Variants in JAKMIP2 observed in about 807,000 individuals in gnomAD.
JAKMIP2 encodes janus kinase and microtubule interacting protein 2.
In JAKMIP2, 25 loss-of-function variants were observed where a neutral mutation model predicts 115.0. That is an observed-to-expected ratio of 0.22 (90% CI 0.16 to 0.30). The LOEUF is 0.30. JAKMIP2 is among the 10% of genes least tolerant of loss of function. The pLI, the probability that JAKMIP2 is intolerant of heterozygous loss-of-function variation, is 1.00. For missense variants in JAKMIP2, 642 were observed against 957.6 expected (o/e 0.67, Z 4.35); for synonymous variants, 334 against 343.6 (o/e 0.97, Z 0.31).
intron 1 of JAKMIP2, among the ~76,000 whole-genome samples, chr5:147,755,894 A>G (rs531812034): frequency 6.6e-6 from 1 of 152,302 alleles, no homozygotes; most frequent in East Asian, 1.9e-4. Context: ...ATACTAGGAT[A>G]TAAGTCAATT....
At chr5:147,679,165 G>C (rs1054054163) in intron 1 of JAKMIP2, among the ~76,000 whole-genome samples, 5 of 151,990 alleles carry the variant, frequency 3.3e-5, no homozygotes, top group Non-Finnish European at 5.9e-5. Flanking sequence ...ATTTTTAGTA[G>C]AGATGGGGTT....
chr5:147,704,769 C>A (rs1249621858), intron 1 of JAKMIP2, among the ~76,000 whole-genome samples: 1 of 152,162 alleles, frequency 6.6e-6, no homozygotes, highest in Non-Finnish European at 1.5e-5. Flanking sequence ...ATCATTTCTA[C>A]TTGATACTGT....
chr5:147,690,853 T>C (rs750054947), intron 1 of JAKMIP2, among the ~76,000 whole-genome samples: 3 of 152,026 alleles, frequency 2.0e-5, no homozygotes, highest in Non-Finnish European at 4.4e-5. Flanking sequence ...TGACAAATTA[T>C]ATACCTGGAT....
intron 2 of JAKMIP2, 106 bp downstream of exon 2, chr5:147,671,572 G>C (rs747422600): frequency 1.0e-6 from 1 of 982,840 alleles, no homozygotes; most frequent in Non-Finnish European, 1.4e-6. Flanking sequence ...CTCTGGCAAA[G>C]GGCAGGAGTC....
At chr5:147,741,209 T>C (rs928863131) in intron 1 of JAKMIP2, among the ~76,000 whole-genome samples, 2 of 152,184 alleles carry the variant, frequency 1.3e-5, no homozygotes, top group African/African-American at 4.8e-5. Context: ...TAAAATAATT[T>C]CAGTATTTCT....
chr5:147,644,458 A>G (rs1758028887), intron 6 of JAKMIP2, among the ~76,000 whole-genome samples: 1 of 152,238 alleles, frequency 6.6e-6, no homozygotes, highest in Non-Finnish European at 1.5e-5. Context: ...TTGTCCGCAT[A>G]TAACACAAGT....
chr5:147,757,972 G>A (rs1754805811), intron 1 of JAKMIP2, among the ~76,000 whole-genome samples: 1 of 152,052 alleles, frequency 6.6e-6, no homozygotes, highest in African/African-American at 2.4e-5. Context: ...TTCAAAATAT[G>A]AGCCATGACA....
At chr5:147,776,101 T>C (rs1001284802) in intron 1 of JAKMIP2, among the ~76,000 whole-genome samples, 2 of 152,164 alleles carry the variant, frequency 1.3e-5, no homozygotes, top group African/African-American at 4.8e-5. Context: ...GTCAGATGAC[T>C]GGGGTTTTAT....
Position 147,647,471 on chromosome 5 carries a change from A to T in JAKMIP2, c.936+905T>A, listed in dbSNP as rs949049483. Among the ~76,000 whole-genome samples the T allele has an allele frequency of 4.6e-5, 7 of 151,984 alleles. No homozygotes were observed. The East Asian group carries it at 7.7e-4, about 17-fold the overall frequency. ...ATGCAAATGTACCACAAGTGATGAT[A>T]AAAAAAATCCTAATAGTAACTGAAA... On this transcript the variant is annotated intron_variant, in intron 5 of 21. Transcript: ENST00000616793.
rs550380213 is a variant in JAKMIP2 at position 147,755,978 on chromosome 5, T to C, written c.-149+26478A>G. ...TTATTCTGCATATATATGTATATCC[T>C]GTATTGCTCTAACAAAAAGAAACAC... On this transcript the variant is annotated intron_variant, in intron 1 of 21. Coordinates refer to ENST00000616793, the MANE Select transcript of JAKMIP2 (RefSeq NM_001270941.2). Among the ~76,000 whole-genome samples the C allele has an allele frequency of 3.9e-5, 6 of 152,344 alleles. No homozygotes were observed. In the South Asian group the frequency reaches 1.0e-3, roughly 26 times the overall value.
chr5:147,632,219 T>C (rs1757394060), intron 13 of JAKMIP2, among the ~76,000 whole-genome samples: 1 of 152,200 alleles, frequency 6.6e-6, no homozygotes. Context: ...CATTAGGGAC[T>C]AAAACGTTTA....
intron 5 of JAKMIP2, 67 bp downstream of exon 5, chr5:147,648,309 C>T (rs1204058189): frequency 7.4e-6 from 6 of 815,142 alleles, no homozygotes; most frequent in Non-Finnish European, 1.3e-5. Flanking sequence ...GTATCTATAA[C>T]ATAGTATGTA....
intron 1 of JAKMIP2, among the ~76,000 whole-genome samples, chr5:147,707,131 A>G (rs1752609559): frequency 6.6e-6 from 1 of 152,160 alleles, no homozygotes; most frequent in Non-Finnish European, 1.5e-5. Flanking sequence ...AAGTGCAGCC[A>G]CCATGTTGAG....
rs1019102544 is a variant in JAKMIP2, at chr5:147,671,952, G to A, written c.-146C>T. The A allele has an allele frequency of 3.4e-5, 45 of 1,305,498 alleles. No homozygotes were observed. The highest frequency in any genetic ancestry group is 4.0e-5 in the Non-Finnish European group (41 of 1,022,884). 80.9% of individuals were successfully genotyped at this position (1,305,498 alleles called of 1,614,324 possible). ...GGTCTCCTCAATCGCTGCCCTGGAA[G>A]CCCTGAGAAGAGGCAGAGATAGTAG... On this transcript the variant is annotated splice_region_variant and 5_prime_UTR_variant, in exon 2 of 22. Transcript: ENST00000616793.
At chr5:147,732,397 A>G (rs779645273) in intron 1 of JAKMIP2, among the ~76,000 whole-genome samples, 11 of 152,142 alleles carry the variant, frequency 7.2e-5, no homozygotes, top group Non-Finnish European at 1.3e-4. Context: ...ATAGATTCTT[A>G]ATGTTCTTCT....
intron 1 of JAKMIP2, among the ~76,000 whole-genome samples, chr5:147,777,470 T>TG (rs1755603875): frequency 6.6e-6 from 1 of 152,224 alleles, no homozygotes; most frequent in African/African-American, 2.4e-5. Context: ...TGTCTGCATG[T>TG]GTCTCTATGT....
At chr5:147,742,953 A>T (rs1388874284) in intron 1 of JAKMIP2, among the ~76,000 whole-genome samples, 1 of 152,210 alleles carries the variant, frequency 6.6e-6, no homozygotes, top group Non-Finnish European at 1.5e-5. Context: ...CTGAAATAGA[A>T]CTGAGTTTTG....
At chr5:147,675,982 T>C (rs1759928465) in intron 1 of JAKMIP2, among the ~76,000 whole-genome samples, 2 of 152,094 alleles carry the variant, frequency 1.3e-5, no homozygotes, top group African/African-American at 2.4e-5. Context: ...TGGCTTAAGG[T>C]CAGGCTTCTA....
chr5:147,627,480 G>T (rs1248855885), intron 16 of JAKMIP2, among the ~76,000 whole-genome samples: 1 of 152,004 alleles, frequency 6.6e-6, no homozygotes, highest in African/African-American at 2.4e-5. Flanking sequence ...ATCCCAGAGG[G>T]TCTGTATGCC....
Sources: allele counts gnomAD v4.1 joint callset (sites outside exome capture counted in the v4.1 genomes callset), GRCh38; gene constraint gnomAD v4.1.1; transcripts MANE v1.5; gene names NCBI Gene and HGNC (gene_info 2026-07-23, HGNC 2026-07-21).